Variants in TONSL observed in about 807,000 individuals in gnomAD.
The protein encoded by TONSL is tonsoku-like protein.
A neutral mutation model predicts 147.1 loss-of-function variants in TONSL; 112 were observed. That is an observed-to-expected ratio of 0.76 (90% CI 0.65 to 0.89). TONSL has a LOEUF of 0.89. TONSL is among the 40% of genes least tolerant of loss of function. The pLI is 0.00. For synonymous variants in TONSL, 868 were observed against 801.5 expected (o/e 1.08, Z -1.40); for missense variants, 1,883 against 1,864.6 (o/e 1.01, Z -0.18).
chr8:144,441,013 A>C lies in TONSL; in HGVS notation c.964T>G (p.Ser322Ala). The change falls in exon 8 of 26, where the codon TCC (serine) becomes GCC (alanine). Residue 322 changes from serine to alanine, a missense_variant. Coordinates refer to ENST00000409379, the MANE Select transcript of TONSL (RefSeq NM_013432.5). ...GCCCTGGGAAAGTCTCCTGCCTTGGAGAAGAGGTCCCCTAGCTGCTCACAG... is the reference window on the plus strand; with the variant it reads ...GCCCTGGGAAAGTCTCCTGCCTTGGCGAAGAGGTCCCCTAGCTGCTCACAG... ...VICEQLGDLF[S>A]KAGDFPRAAE... 2.5e-6 allele frequency: 4 copies of C among 1,613,056 alleles called. No individual in the cohort carries two copies. The highest frequency in any genetic ancestry group is 3.4e-6 in the Non-Finnish European group (4 of 1,179,966).
intron 11 of TONSL, chr8:144,439,819 C>T (rs1823631929): frequency 1.8e-6 from 1 of 553,294 alleles, no homozygotes; most frequent in Non-Finnish European, 3.1e-6. Context: ...CAACCACTGT[C>T]TCCTCCAGGA....
rs557438514 is a variant in TONSL at position 144,438,711 on chromosome 8, G to A, written c.1505C>T (p.Pro502Leu). ...AAGCTCCTCGTCCTCCTCCAGCTGC[G>A]GGGTCAGGCCATCGGTGTCGTCCTC... ...EGEDDTDGLT[P>L]QLEEDEELQG... The change falls in exon 12 of 26, where the codon CCG becomes CTG. Residue 502 changes from proline (P) to leucine (L), a missense_variant. Pro to Leu is a moderately conservative substitution (Grantham distance 98). Transcript: ENST00000409379. 1.8e-5 allele frequency: 29 copies of A among 1,613,020 alleles called. No homozygotes were observed. The highest frequency in any genetic ancestry group is 8.9e-5 in the East Asian group (4 of 44,894).
intron 19 of TONSL, 62 bp from the exon 20 acceptor site, chr8:144,434,951 A>C: frequency 6.2e-7 from 1 of 1,611,718 alleles, no homozygotes; most frequent in Non-Finnish European, 8.5e-7. Context: ...ATTGCTCTGC[A>C]GCCATGAGCC....
At chr8:144,438,759 C>G in intron 11 of TONSL, 24 bp from the exon 12 acceptor site, 1 of 1,610,862 alleles carries the variant, frequency 6.2e-7, no homozygotes, top group Non-Finnish European at 8.5e-7. Context: ...AAGCCCACCC[C>G]AGGGGAGTCC....
rs1318324478 is a variant in TONSL, at chr8:144,435,732, C to T, written c.2701G>A (p.Glu901Lys). Residue 901 changes from glutamate to lysine, a missense_variant, in exon 17 of 26, where the codon GAA (glutamate) becomes AAA (lysine). Coordinates refer to ENST00000409379, the MANE Select transcript of TONSL (RefSeq NM_013432.5). ...GGGGTGCTGGGGCTCCCTGGAGGTTCTGAAGCCAGGCTGCTGGGCCCTGCG... is the reference window on the plus strand; with the variant it reads ...GGGGTGCTGGGGCTCCCTGGAGGTTTTGAAGCCAGGCTGCTGGGCCCTGCG... ...VNAGPSSLAS[E>K]PPGSPSTPRV... 16 of 1,612,634 alleles carry T rather than the reference C, an allele frequency of 9.9e-6. No individual in the cohort carries two copies. The highest frequency in any genetic ancestry group is 1.4e-5 in the Non-Finnish European group (16 of 1,179,736).
Position 144,436,189 on chromosome 8 carries a change from G to A in TONSL, c.2244C>T (p.Asp748=), listed in dbSNP as rs749220319. The change falls in exon 17 of 26, where the codon GAC becomes GAT. Residue 748 remains aspartate (D), a synonymous_variant. Transcript: ENST00000409379. The part of the protein sequence containing the change: ...ASSSSSSEGE[D]SAGPARPSQK... ...GGGACGGCCGTGCGGGGCCTGCGCT[G>A]TCCTCGCCTTCTGAGCTGCTGCTGC... 4.5e-6 allele frequency: 7 copies of A among 1,572,584 alleles called. No individual in the cohort carries two copies. The highest frequency in any genetic ancestry group is 6.0e-6 in the Non-Finnish European group (7 of 1,163,124).
rs1554877977 is a variant in TONSL, at chr8:144,429,204, C to T, written c.4076G>A (p.Arg1359Gln). The T allele has an allele frequency of 6.5e-7, 1 of 1,534,950 alleles. No individual in the cohort carries two copies. The highest frequency in any genetic ancestry group is 8.7e-7 in the Non-Finnish European group (1 of 1,144,850). The change falls in exon 26 of 26, where the codon CGG (arginine) becomes CAG (glutamine). Residue 1359 changes from arginine (R) to glutamine (Q), a missense_variant. Transcript: ENST00000409379. ...RDALRQLQPS[R>Q]PGPGECTLDH... ...CAGCGTGCACTCGCCGGGGCCCGGC[C>T]GACTGGGCTGCAGCTGGCGCAGGGC...
chr8:144,443,353 C>T (rs1017910481), intron 3 of TONSL, 32 bp from the exon 4 acceptor site: 3 of 1,532,574 alleles, frequency 2.0e-6, no homozygotes, highest in Admixed American at 2.0e-5. Flanking sequence ...TGCTGTGAGC[C>T]GACTCCGCCT....
In TONSL at chr8:144,429,319, G is replaced by A. The variant is rs782658224; in HGVS notation, c.3961C>T (p.Pro1321Ser). Residue 1321 changes from proline to serine, a missense_variant, in exon 26 of 26, where the codon CCC (proline) becomes TCC (serine). Transcript: ENST00000409379. ...TTGTCCCACAGGCCCAGGCCCAGGG[G>A]ACCCTGGACGGCGCAGCCTGCGGAG... ...LGLSGCAVQG[P>S]LGLGLWDKIA... 6.8e-7 allele frequency: 1 copy of A among 1,462,822 alleles called. No individual in the cohort carries two copies. The highest frequency in any genetic ancestry group is 9.1e-7 in the Non-Finnish European group (1 of 1,103,820). The allele number at this position is 1,462,822 out of a possible 1,614,324, so 90.6% of individuals were successfully genotyped here.
At chr8:144,442,494 C>A (rs1823757663) in intron 5 of TONSL, 82 bp from the exon 6 acceptor site, 1 of 1,492,408 alleles carries the variant, frequency 6.7e-7, no homozygotes, top group Admixed American at 2.1e-5. Context: ...CCCTGCCATG[C>A]TGTGGTCTCA....
Position 144,436,903 on chromosome 8 carries a change from G to T in TONSL, c.1744C>A (p.Leu582Met), listed in dbSNP as rs1823486062. 3 of 1,608,548 alleles carry T rather than the reference G, an allele frequency of 1.9e-6. No individual in the cohort carries two copies. The highest frequency in any genetic ancestry group is 2.7e-5 in the African/African-American group (2 of 75,054). ...TCGTCCACTGCGGCCCCGTGGTCCA[G>T]CAGGAAGCGGACAATTTCTGCAGAC... ...YGHLEIVRFL[L>M]DHGAAVDDPG... The change falls in exon 15 of 26, where the codon CTG (leucine) becomes ATG (methionine). Residue 582 changes from leucine (L) to methionine (M), a missense_variant. Transcript: ENST00000409379.
At chr8:144,443,363 TCAAG>T in intron 3 of TONSL, 42 bp from the exon 4 acceptor site, 1 of 1,521,600 alleles carries the variant, frequency 6.6e-7, no homozygotes, top group Non-Finnish European at 8.9e-7. Flanking sequence ...CGACTCCGCC[TCAAG>T]CAAACCGGCA....
chr8:144,429,253 G>T lies in TONSL; in HGVS notation c.4027C>A (p.Arg1343Ser). ...GCGTCCCTGTCCTCAGCGCAGAGGCGTCTGCTGCACAGCTGCAGTTCCCGG... is the reference window on the plus strand; with the variant it reads ...GCGTCCCTGTCCTCAGCGCAGAGGCTTCTGCTGCACAGCTGCAGTTCCCGG... ...QLRELQLCSR[R>S]LCAEDRDALR... Residue 1343 changes from arginine (R) to serine (S), a missense_variant, in exon 26 of 26, where the codon CGC becomes AGC. By Grantham distance (110) the Arg-to-Ser change is moderately radical. Coordinates refer to ENST00000409379, the MANE Select transcript of TONSL (RefSeq NM_013432.5). 1 of 1,529,434 alleles carries T rather than the reference G, an allele frequency of 6.5e-7. No individual in the cohort carries two copies. 94.7% of individuals were successfully genotyped at this position (1,529,434 alleles called of 1,614,324 possible).
Position 144,433,759 on chromosome 8 carries a change from T to G in TONSL, c.3388A>C (p.Ser1130Arg). The G allele has an allele frequency of 6.4e-7, 1 of 1,568,522 alleles. No homozygotes were observed. ...MGLPGQATLQ[S>R]LEELDLSMNP... ...ATGCTTAAGTCCAGCTCCTCCAAAC[T>G]CTGTGGAAGACACAGGCTGGCAGTG... is the stretch of plus-strand genomic sequence containing the variant. The change falls in exon 22 of 26, where the codon AGT becomes CGT. Residue 1130 changes from serine (S) to arginine (R), a missense_variant and splice_region_variant. Transcript: ENST00000409379.
At chr8:144,434,921 C>A (rs756391060) in intron 19 of TONSL, 32 bp from the exon 20 acceptor site, 1 of 1,612,536 alleles carries the variant, frequency 6.2e-7, no homozygotes, top group Admixed American at 1.7e-5. Flanking sequence ...CACCTGGGGG[C>A]TCCCCCGGCT....
chr8:144,442,626 C>T (rs369819727), intron 5 of TONSL, 51 bp downstream of exon 5: 3 of 1,586,864 alleles, frequency 1.9e-6, no homozygotes, highest in Non-Finnish European at 2.6e-6. Flanking sequence ...CTAACTACTT[C>T]CTCCAGGAAC....
chr8:144,430,051 G>A (rs1554878295), intron 25 of TONSL, among the ~76,000 whole-genome samples: 1 of 152,186 alleles, frequency 6.6e-6, no homozygotes, highest in East Asian at 1.9e-4. Context: ...CAGGAAGTAG[G>A]AGGGTCCCTT....
Position 144,429,027 on chromosome 8 carries a change from G to C in TONSL, c.*116C>G, listed in dbSNP as rs1823042623. ...GATGGTCTCGATCTCCTGACCTCGT[G>C]ATCCGCCCGCCTGGGCCTCCCAAAG... On this transcript the variant is annotated 3_prime_UTR_variant, in exon 26 of 26. Transcript: ENST00000409379. 3.3e-6 allele frequency: 4 copies of C among 1,223,968 alleles called. No homozygotes were observed. Among genetic ancestry groups the C allele is most frequent in the Non-Finnish European group, 4.3e-6 (4 of 920,264 alleles). 75.8% of individuals were successfully genotyped at this position (1,223,968 alleles called of 1,614,324 possible).
At chr8:144,442,869 C>A (rs955849568) in intron 4 of TONSL, 63 bp from the exon 5 acceptor site, 35 of 1,557,602 alleles carry the variant, frequency 2.2e-5, no homozygotes, top group Non-Finnish European at 3.0e-5. Flanking sequence ...CAGCTTTGGG[C>A]CCCATTTGGG....
Sources: allele counts gnomAD v4.1 joint callset (sites outside exome capture counted in the v4.1 genomes callset), GRCh38; gene constraint gnomAD v4.1.1; transcripts MANE v1.5; gene names NCBI Gene and HGNC (gene_info 2026-07-23, HGNC 2026-07-21).